Variants in PML observed in about 807,000 individuals in gnomAD.
The protein encoded by PML is protein PML.
In PML, 28 loss-of-function variants were observed where a neutral mutation model predicts 65.2. The observed-to-expected ratio is 0.43, with a 90% confidence interval of 0.32 to 0.59. The LOEUF (loss-of-function observed/expected upper bound fraction) is 0.59, where lower values mean the gene tolerates loss of function less well. Among genes scored for constraint, PML ranks in the 20% least tolerant of loss-of-function variants. The pLI, the probability that PML is intolerant of heterozygous loss-of-function variation, is 0.08. For missense variants in PML, 1,021 were observed against 1,203.4 expected, an observed-to-expected ratio of 0.85 and a Z score of 2.24; for synonymous variants, 500 against 508.8, an observed-to-expected ratio of 0.98 and a Z score of 0.23.
intron 2 of PML, among the ~76,000 whole-genome samples, chr15:74,008,380 T>A (rs1038771127): frequency 6.6e-6 from 1 of 152,178 alleles, no homozygotes; most frequent in African/African-American, 2.4e-5. Flanking sequence ...CCACCTAATC[T>A]TCTCACCAGT....
chr15:74,015,434 C>T (rs2070526684), intron 2 of PML, among the ~76,000 whole-genome samples: 1 of 152,202 alleles, frequency 6.6e-6, no homozygotes, highest in South Asian at 2.1e-4. Flanking sequence ...GGAAATGGGA[C>T]AGGTAGAGGA....
intron 2 of PML, among the ~76,000 whole-genome samples, chr15:74,013,861 C>T (rs1370707255): frequency 1.3e-5 from 2 of 152,268 alleles, no homozygotes; most frequent in East Asian, 3.9e-4. Flanking sequence ...GCAACATTTA[C>T]CGGCATGTAA....
chr15:74,036,158 C>T (rs2071552771), intron 7 of PML: 2 of 1,605,342 alleles, frequency 1.2e-6, no homozygotes, highest in Admixed American at 1.7e-5. Flanking sequence ...AAGGCTAAGG[C>T]ATGGCTGAGA....
At chr15:74,002,534 C>G (rs1478187839) in intron 2 of PML, among the ~76,000 whole-genome samples, 6 of 147,740 alleles carry the variant, frequency 4.1e-5, no homozygotes, top group Non-Finnish European at 7.4e-5. Flanking sequence ...ACCTCCTCCT[C>G]CCGGGTTCAA....
intron 7 of PML, among the ~76,000 whole-genome samples, chr15:74,041,981 C>A (rs186971579): frequency 4.6e-5 from 7 of 152,340 alleles, no homozygotes; most frequent in Admixed American, 3.9e-4. Flanking sequence ...TGGCTAACGT[C>A]CACAGGTGGC....
At chr15:74,015,850 G>T (rs548551652) in intron 2 of PML, among the ~76,000 whole-genome samples, 5 of 152,332 alleles carry the variant, frequency 3.3e-5, no homozygotes, top group African/African-American at 1.2e-4. Flanking sequence ...GAGAGAAAAG[G>T]TAATTTGCTC....
chr15:73,995,707 T>G (rs183362510), intron 1 of PML, among the ~76,000 whole-genome samples: 83 of 131,074 alleles, frequency 6.3e-4, no homozygotes, highest in South Asian at 9.9e-4. Context: ...AGCACTTTGG[T>G]TTTTTTTTGT....
chr15:74,006,662 G>A (rs1454978864), intron 2 of PML, among the ~76,000 whole-genome samples: 2 of 152,194 alleles, frequency 1.3e-5, no homozygotes, highest in African/African-American at 4.8e-5. Flanking sequence ...TTGCTAGAAG[G>A]AATACCTGAG....
intron 2 of PML, among the ~76,000 whole-genome samples, chr15:74,005,118 T>A (rs763841936): frequency 2.6e-5 from 4 of 152,226 alleles, no homozygotes; most frequent in Non-Finnish European, 5.9e-5. Context: ...AATGGCACGA[T>A]CTCGGCTCAC....
intron 1 of PML, among the ~76,000 whole-genome samples, chr15:73,995,957 T>A (rs777879614): frequency 7.2e-5 from 11 of 152,182 alleles, no homozygotes; most frequent in Non-Finnish European, 1.2e-4. Context: ...TTTCACTATG[T>A]TGGCCAGATT....
At chr15:74,032,068 A>C (rs1051696094) in intron 4 of PML, among the ~76,000 whole-genome samples, 7 of 152,168 alleles carry the variant, frequency 4.6e-5, no homozygotes, top group African/African-American at 1.7e-4. Flanking sequence ...TCACTGTTAA[A>C]GGAGCTGCTT....
At chr15:74,028,849 GAAT>G (rs2071194220) in intron 4 of PML, among the ~76,000 whole-genome samples, 1 of 152,094 alleles carries the variant, frequency 6.6e-6, no homozygotes, top group East Asian at 1.9e-4. Context: ...TTTTAAAGCT[GAAT>G]AATAATATCC....
At position 74,022,981 on chromosome 15, in the gene PML, T is replaced by C. The variant is rs1595901590; in HGVS notation, c.756T>C (p.Ser252=). The change falls in exon 3 of 9, where the codon AGT becomes AGC. Residue 252 remains serine, a synonymous_variant. Coordinates refer to ENST00000268058, the MANE Select transcript of PML (RefSeq NM_033238.3). ...AMTQALQEQD[S]AFGAVHAQMH... ...CGCAGGCGCTGCAGGAGCAGGATAG[T>C]GCCTTTGGCGCGGTTCACGCGCAGA... The C allele has an allele frequency of 6.2e-7, 1 of 1,610,336 alleles. No individual in the cohort carries two copies. The highest frequency in any genetic ancestry group is 8.5e-7 in the Non-Finnish European group (1 of 1,178,904).
Position 74,045,954 on chromosome 15 carries a change from A to C in PML, c.*946A>C. The C allele has an allele frequency of 4.3e-6, 1 of 232,524 alleles. No homozygotes were observed. Among genetic ancestry groups the C allele is most frequent in the Non-Finnish European group, 8.5e-6 (1 of 117,574 alleles). The allele number at this position is 232,524 out of a possible 1,614,324, so 14.4% of individuals were successfully genotyped here. On this transcript the variant is annotated 3_prime_UTR_variant, in exon 9 of 9. Coordinates refer to ENST00000268058, the MANE Select transcript of PML (RefSeq NM_033238.3). ...TCCCGGTGATGCTGGTGCATGCTCA[A>C]GTTTGAGAACCGCTGCTCTCATAGA...
At chr15:74,015,009 C>T (rs2070504829) in intron 2 of PML, among the ~76,000 whole-genome samples, 1 of 152,116 alleles carries the variant, frequency 6.6e-6, no homozygotes. Flanking sequence ...AGAAAAAGCA[C>T]AAACTTTCTC....
intron 2 of PML, among the ~76,000 whole-genome samples, chr15:74,000,735 G>T (rs1173362595): frequency 6.6e-6 from 1 of 151,990 alleles, no homozygotes; most frequent in African/African-American, 2.4e-5. Flanking sequence ...TTTTTTAATT[G>T]ATTTTTTTTC....
chr15:74,010,767 C>G (rs949536697), intron 2 of PML, among the ~76,000 whole-genome samples: 3 of 152,020 alleles, frequency 2.0e-5, no homozygotes, highest in Non-Finnish European at 4.4e-5. Context: ...GACTTGTACT[C>G]TATGGCAAGA....
chr15:74,035,867 C>A lies in PML; in HGVS notation c.1710+1337C>A. On this transcript the variant is annotated intron_variant, in intron 7 of 8. Coordinates refer to ENST00000268058, the MANE Select transcript of PML (RefSeq NM_033238.3). The surrounding 1 kb of genome is among the most constrained non-coding windows in gnomAD (Gnocchi z 4.1). ...CTCAAGTCCAAGTGCCTCTGGAAGC[C>A]TCTCCAATTACATTCCCACCACCCT... 3 of 1,613,746 alleles carry A rather than the reference C, an allele frequency of 1.9e-6. No homozygotes were observed. The highest frequency in any genetic ancestry group is 2.5e-6 in the Non-Finnish European group (3 of 1,179,976).
At position 74,035,066 on chromosome 15, in the gene PML, C is replaced by T. The variant is rs959767673; in HGVS notation, c.1710+536C>T. ...TAGAGGTTTATTACTAGAGGCTGGA[C>T]TATCACCTGTCCAGGGGAAAAGGGG... On this transcript the variant is annotated intron_variant, in intron 7 of 8. Coordinates refer to ENST00000268058, the MANE Select transcript of PML (RefSeq NM_033238.3). This position sits in a 1 kb window ranked among gnomAD's most constrained non-coding sequence, Gnocchi z 4.1. 2 of 1,322,124 alleles carry T rather than the reference C, an allele frequency of 1.5e-6. No individual in the cohort carries two copies. The highest frequency in any genetic ancestry group is 2.2e-6 in the Non-Finnish European group (2 of 925,692). 81.9% of individuals were successfully genotyped at this position (1,322,124 alleles called of 1,614,324 possible). A position where few individuals can be genotyped will look rare whatever the true frequency, so the allele number is the denominator to read the frequency against.
Sources: gnomAD v4.1 joint callset for allele counts (sites outside exome capture counted in the v4.1 genomes callset) on GRCh38, gnomAD v4.1.1 for gene constraint, Gnocchi (gnomAD v3.1) non-coding constraint, MANE v1.5 for transcripts, NCBI Gene and HGNC (gene_info 2026-07-23, HGNC 2026-07-21) for gene names.